The following HS6ST3 variants were observed in gnomAD, a reference collection of about 807,000 sequenced individuals.
HS6ST3 encodes heparan-sulfate 6-O-sulfotransferase 3.
HS6ST3 carries 12 observed loss-of-function variants against 36.7 expected under a neutral mutation model. The observed-to-expected ratio is 0.33, with a 90% CI of 0.21 to 0.53. The LOEUF is 0.53. Ranked by LOEUF, HS6ST3 falls within the 20% of genes least tolerant of loss-of-function variation. HS6ST3 has a pLI of 0.95. For missense variants in HS6ST3, 584 were observed against 640.9 expected (o/e 0.91, Z 0.96); for synonymous variants, 240 against 257.5 (o/e 0.93, Z 0.65).
At chr13:96,693,374 G>A (rs1875028401) in intron 1 of HS6ST3, among the ~76,000 whole-genome samples, 1 of 152,070 alleles carries the variant, frequency 6.6e-6, no homozygotes, top group African/African-American at 2.4e-5. Flanking sequence ...GCGCAACCTT[G>A]GCTCACTGCA....
chr13:96,222,449 G>A (rs1175805871), intron 1 of HS6ST3, among the ~76,000 whole-genome samples: 5 of 152,156 alleles, frequency 3.3e-5, no homozygotes, highest in African/African-American at 7.2e-5. Flanking sequence ...GAAAACTGGA[G>A]GCAAAATAGC....
At chr13:96,153,831 C>T (rs2054098495) in intron 1 of HS6ST3, among the ~76,000 whole-genome samples, 1 of 152,164 alleles carries the variant, frequency 6.6e-6, no homozygotes, top group African/African-American at 2.4e-5. Flanking sequence ...ATGCTAAATG[C>T]ACTTGCTAAA....
At chr13:96,277,761 T>A (rs2054755444) in intron 1 of HS6ST3, among the ~76,000 whole-genome samples, 1 of 152,206 alleles carries the variant, frequency 6.6e-6, no homozygotes, top group African/African-American at 2.4e-5. Flanking sequence ...AGAACACAGA[T>A]ATGAAAATAG....
intron 1 of HS6ST3, among the ~76,000 whole-genome samples, chr13:96,611,027 A>G (rs796699818): frequency 2.0e-5 from 3 of 151,670 alleles, no homozygotes; most frequent in African/African-American, 4.8e-5. Flanking sequence ...GACCAGAGAC[A>G]TATCAATTCT....
chr13:96,211,429 A>G (rs1391892332), intron 1 of HS6ST3, among the ~76,000 whole-genome samples: 3 of 152,114 alleles, frequency 2.0e-5, no homozygotes, highest in Non-Finnish European at 2.9e-5. Context: ...CCCCACGACT[A>G]CAATGTTCAG....
intron 1 of HS6ST3, among the ~76,000 whole-genome samples, chr13:96,529,032 G>T (rs1050999272): frequency 6.6e-6 from 1 of 151,928 alleles, no homozygotes; most frequent in Non-Finnish European, 1.5e-5. Context: ...AAACAAATTA[G>T]TAAACTAATA....
At chr13:96,371,336 A>G (rs1302568700) in intron 1 of HS6ST3, among the ~76,000 whole-genome samples, 5 of 152,198 alleles carry the variant, frequency 3.3e-5, no homozygotes, top group African/African-American at 1.2e-4. Flanking sequence ...AGTAAAATTG[A>G]CAAATAAAAA....
intron 1 of HS6ST3, among the ~76,000 whole-genome samples, chr13:96,388,959 T>C (rs1418312786): frequency 6.6e-6 from 1 of 152,166 alleles, no homozygotes; most frequent in East Asian, 1.9e-4. Flanking sequence ...TTCTTCATAG[T>C]GCTGTGAGAA....
In HS6ST3 at chr13:96,437,746, G is replaced by C. The variant is rs9584366; in HGVS notation, c.707+346177G>C. Among the ~76,000 whole-genome samples, 1,211 of 152,316 alleles carry C rather than the reference G, an allele frequency of 8.0e-3. 15 individuals carry two copies. The highest frequency in any genetic ancestry group is 0.027 in the African/African-American group (1,126 of 41,578). On this transcript the variant is annotated intron_variant, in intron 1 of 1. Transcript: ENST00000376705. ...TTCAGTATCTTCCTTGCTGTAGTCA[G>C]TTCATAACATGCTAGGGAAAACAGA... is the stretch of plus-strand genomic sequence containing the variant.
At chr13:96,158,733 T>G (rs1471406383) in intron 1 of HS6ST3, among the ~76,000 whole-genome samples, 2 of 148,292 alleles carry the variant, frequency 1.3e-5, no homozygotes, top group African/African-American at 5.0e-5. Context: ...GCCGGGAAAG[T>G]TTAGTATTAG....
intron 1 of HS6ST3, among the ~76,000 whole-genome samples, chr13:96,184,093 C>T (rs559428948): frequency 3.4e-5 from 5 of 149,216 alleles, no homozygotes; most frequent in African/African-American, 7.4e-5. Context: ...CTCAGCTACT[C>T]GGGAGGCTGA....
rs560315121 is a variant in HS6ST3 at position 96,631,060 on chromosome 13, A to G, written c.708-201430A>G. On this transcript the variant is annotated intron_variant, in intron 1 of 1. Coordinates refer to ENST00000376705, the MANE Select transcript of HS6ST3 (RefSeq NM_153456.4). ...GAAACATGCTCAACGTATAAGCACA[A>G]ATGCATATGAGACATTGTTGCTAAT... 2.0e-5 allele frequency among the ~76,000 whole-genome samples: 3 copies of G among 152,324 alleles called. No individual in the cohort carries two copies. The East Asian group carries it at 5.8e-4, about 29-fold the overall frequency.
intron 1 of HS6ST3, among the ~76,000 whole-genome samples, chr13:96,418,791 G>A (rs1017244950): frequency 4.1e-4 from 63 of 152,200 alleles, no homozygotes; most frequent in African/African-American, 1.1e-3. Context: ...ACAGGGCCAC[G>A]CTCTCTGTTT....
At chr13:96,435,158 T>C (rs1436538555) in intron 1 of HS6ST3, among the ~76,000 whole-genome samples, 2 of 152,202 alleles carry the variant, frequency 1.3e-5, no homozygotes, top group African/African-American at 4.8e-5. Context: ...GTGGTTAAAT[T>C]TGACCAACAG....
chr13:96,440,147 A>G (rs1458145618), intron 1 of HS6ST3, among the ~76,000 whole-genome samples: 3 of 152,186 alleles, frequency 2.0e-5, no homozygotes, highest in Non-Finnish European at 4.4e-5. Flanking sequence ...TTTCCCTAGT[A>G]TAGAAACAAA....
At chr13:96,123,661 C>T (rs1186480953) in intron 1 of HS6ST3, among the ~76,000 whole-genome samples, 1 of 152,104 alleles carries the variant, frequency 6.6e-6, no homozygotes, top group Non-Finnish European at 1.5e-5. Flanking sequence ...AGAAGTCTGG[C>T]GTTGAATATG....
intron 1 of HS6ST3, among the ~76,000 whole-genome samples, chr13:96,623,457 T>A (rs537742899): frequency 6.0e-4 from 92 of 152,146 alleles, no homozygotes; most frequent in African/African-American, 2.2e-3. Flanking sequence ...TGGACTTCAA[T>A]TGAAAGCTGT....
At chr13:96,153,462 C>T (rs2054096652) in intron 1 of HS6ST3, among the ~76,000 whole-genome samples, 1 of 152,168 alleles carries the variant, frequency 6.6e-6, no homozygotes, top group African/African-American at 2.4e-5. Context: ...TCTTCCCCCT[C>T]TGAGCCAGGG....
intron 1 of HS6ST3, among the ~76,000 whole-genome samples, chr13:96,831,844 A>T (rs1427746125): frequency 6.7e-6 from 1 of 150,328 alleles, no homozygotes; most frequent in East Asian, 2.0e-4. Context: ...AATCCCAGCT[A>T]TTCAGGAGGC....
Sources: gnomAD v4.1 joint callset for allele counts (sites outside exome capture counted in the v4.1 genomes callset) on GRCh38, gnomAD v4.1.1 for gene constraint, MANE v1.5 for transcripts, NCBI Gene and HGNC (gene_info 2026-07-23, HGNC 2026-07-21) for gene names.